The following ZNF600 variants were observed in gnomAD, a reference collection of about 807,000 sequenced individuals.
ZNF600 encodes the protein zinc finger protein 600.
ZNF600 carries 4 observed loss-of-function variants against 7.3 expected under a neutral mutation model. The ratio of observed to expected loss-of-function variants is 0.55; its 90% confidence interval spans 0.27 to 1.25. ZNF600 has a LOEUF of 1.25. ZNF600 is among the 50% of genes most tolerant of loss of function. ZNF600 has a pLI of 0.12. For missense variants in ZNF600, 911 were observed against 922.1 expected (o/e 0.99, Z 0.16); for synonymous variants, 290 against 308.9 (o/e 0.94, Z 0.64).
chr19:52,830,454 T>G, the ZNF600 span, among the ~76,000 whole-genome samples: 2 of 151,680 alleles, frequency 1.3e-5, no homozygotes, highest in Non-Finnish European at 2.9e-5. Flanking sequence ...AGCACAATAG[T>G]CCACCAAGAA....
At chr19:52,791,977 A>T in the ZNF600 span, among the ~76,000 whole-genome samples, 1 of 152,242 alleles carries the variant, frequency 6.6e-6, no homozygotes, top group South Asian at 2.1e-4. Context: ...ACAGATGACA[A>T]GCACCTGCGC....
the ZNF600 span, chr19:52,800,553 A>T: frequency 3.3e-5 from 53 of 1,611,962 alleles, no homozygotes; most frequent in Admixed American, 1.2e-4. Flanking sequence ...AGTGTGAATT[A>T]TACTATGTTT....
exon 4 of ZNF600, chr19:52,765,453 T>G: frequency 7.5e-7 from 1 of 1,333,572 alleles, no homozygotes; most frequent in Non-Finnish European, 1.1e-6. Flanking sequence ...AGTGTGTCAA[T>G]GAACTGCAAT....
intron 3 of ZNF600, among the ~76,000 whole-genome samples, chr19:52,768,275 A>G (rs1022559838): frequency 1.7e-4 from 26 of 151,842 alleles, no homozygotes; most frequent in African/African-American, 6.3e-4. Flanking sequence ...CACCGAGAAG[A>G]GAAGATTACA....
chr19:52,777,245 G>T (rs749989429), intron 2 of ZNF600, among the ~76,000 whole-genome samples: 31 of 151,646 alleles, frequency 2.0e-4, no homozygotes, highest in Non-Finnish European at 4.1e-4. Context: ...AGGCGAGGCA[G>T]CAAATGCCTG....
At chr19:52,801,904 A>G in the ZNF600 span, among the ~76,000 whole-genome samples, 1 of 152,198 alleles carries the variant, frequency 6.6e-6, no homozygotes, top group African/African-American at 2.4e-5. Flanking sequence ...ATGAAAGTCT[A>G]TTTCCTATAT....
the ZNF600 span, among the ~76,000 whole-genome samples, chr19:52,829,146 G>A: frequency 6.6e-6 from 1 of 151,886 alleles, no homozygotes; most frequent in Non-Finnish European, 1.5e-5. Flanking sequence ...TCACAGGCGT[G>A]AGCCACCTCA....
the ZNF600 span, among the ~76,000 whole-genome samples, chr19:52,820,088 C>A: frequency 7.0e-6 from 1 of 142,396 alleles, no homozygotes; most frequent in Non-Finnish European, 1.5e-5. Context: ...TGGGCTCCAT[C>A]CTTGCAACTT....
the ZNF600 span, among the ~76,000 whole-genome samples, chr19:52,806,261 T>TGCAA: frequency 6.6e-6 from 1 of 151,722 alleles, no homozygotes; most frequent in African/African-American, 2.4e-5. Context: ...CGGTGCGATC[T>TGCAA]CGGCTCACTG....
At chr19:52,810,241 G>A in the ZNF600 span, 1 of 1,220,912 alleles carries the variant, frequency 8.2e-7, no homozygotes, top group Non-Finnish European at 1.2e-6. Context: ...AGGAATATGA[G>A]TCTACCTCCA....
the ZNF600 span, among the ~76,000 whole-genome samples, chr19:52,817,668 C>G: frequency 6.6e-6 from 1 of 152,116 alleles, no homozygotes; most frequent in African/African-American, 2.4e-5. Context: ...TGCTGCCCAA[C>G]AGCACTGACA....
chr19:52,820,983 G>A, the ZNF600 span, among the ~76,000 whole-genome samples: 16,824 of 151,544 alleles, frequency 0.11, 1,357 homozygotes, highest in African/African-American at 0.22. Flanking sequence ...TCGGAGAAGC[G>A]CATTTTCCCA....
intron 3 of ZNF600, among the ~76,000 whole-genome samples, chr19:52,770,382 C>G (rs1015731711): frequency 6.6e-6 from 1 of 152,192 alleles, no homozygotes; most frequent in African/African-American, 2.4e-5. Flanking sequence ...GCAAAGGTTA[C>G]AGTGAGCCGA....
chr19:52,795,538 A>T, the ZNF600 span, among the ~76,000 whole-genome samples: 1 of 152,136 alleles, frequency 6.6e-6, no homozygotes, highest in Non-Finnish European at 1.5e-5. Flanking sequence ...GTAAGATTAT[A>T]CCAAAGCTTA....
At chr19:52,789,573 G>A (rs1396096079), upstream of ZNF600, among the ~76,000 whole-genome samples, 1 of 152,126 alleles carries the variant, frequency 6.6e-6, no homozygotes, top group African/African-American at 2.4e-5. Context: ...GGGCAATGGA[G>A]CGAGACTCTA....
the ZNF600 span, among the ~76,000 whole-genome samples, chr19:52,815,829 A>AAAAT: frequency 0.021 from 3,156 of 146,874 alleles, 583 homozygotes; most frequent in African/African-American, 0.08. Context: ...CATCTCAAAA[A>AAAAT]AAATAAATAA....
At chr19:52,810,598 A>G in the ZNF600 span, 16 of 1,546,114 alleles carry the variant, frequency 1.0e-5, no homozygotes, top group East Asian at 3.6e-4. Flanking sequence ...GCGCCCGACC[A>G]CCAACTACAG....
At chr19:52,782,900 A>G (rs1332688720) in intron 1 of ZNF600, among the ~76,000 whole-genome samples, 1 of 151,830 alleles carries the variant, frequency 6.6e-6, no homozygotes, top group Non-Finnish European at 1.5e-5. Flanking sequence ...ATAAATAAAT[A>G]ATCACACAAA....
the ZNF600 span, among the ~76,000 whole-genome samples, chr19:52,827,991 T>C: frequency 3.9e-4 from 59 of 152,212 alleles, no homozygotes; most frequent in Middle Eastern, 3.4e-3. Context: ...GACAGGATAA[T>C]CCACAAGGAA....
Sources: gnomAD v4.1 joint callset for allele counts (sites outside exome capture counted in the v4.1 genomes callset) on GRCh38, gnomAD v4.1.1 for gene constraint, MANE v1.5 for transcripts, NCBI Gene and HGNC (gene_info 2026-07-23, HGNC 2026-07-21) for gene names.